The following HHAT variants were observed in gnomAD, a reference collection of about 807,000 sequenced individuals.
The protein encoded by HHAT is hedgehog acyltransferase, also known as protein-cysteine N-palmitoyltransferase HHAT.
In HHAT, 47 loss-of-function variants were observed where a neutral mutation model predicts 70.8. That is an observed-to-expected ratio of 0.66 (90% CI 0.53 to 0.85). The LOEUF (loss-of-function observed/expected upper bound fraction) is 0.85, where lower values mean the gene tolerates loss of function less well. HHAT is among the 40% of genes least tolerant of loss of function. The pLI, the probability that HHAT is intolerant of heterozygous loss-of-function variation, is 0.00. For synonymous variants in HHAT, 228 were observed against 247.6 expected, an observed-to-expected ratio of 0.92 and a Z score of 0.74; for missense variants, 609 against 604.8, an observed-to-expected ratio of 1.01 and a Z score of -0.07.
chr1:210,593,033 C>T (rs1315944708), intron 10 of HHAT, among the ~76,000 whole-genome samples: 3 of 152,116 alleles, frequency 2.0e-5, no homozygotes, highest in East Asian at 3.9e-4. Context: ...TCCCCGCTTC[C>T]CCCACCCCAC....
At chr1:210,581,463 C>T (rs1393551019) in intron 9 of HHAT, among the ~76,000 whole-genome samples, 1 of 152,196 alleles carries the variant, frequency 6.6e-6, no homozygotes, top group Non-Finnish European at 1.5e-5. Flanking sequence ...GAAACCTGAG[C>T]AGGGGCTGGT....
chr1:210,587,195 G>A (rs1215602776), intron 9 of HHAT, among the ~76,000 whole-genome samples: 1 of 152,206 alleles, frequency 6.6e-6, no homozygotes, highest in Non-Finnish European at 1.5e-5. Flanking sequence ...AAATACCCAA[G>A]ATTGGGTAAT....
intron 10 of HHAT, among the ~76,000 whole-genome samples, chr1:210,610,885 G>A (rs1173590788): frequency 6.6e-6 from 1 of 152,150 alleles, no homozygotes. Context: ...GTCTGTTCTT[G>A]TACCAGACAC....
intron 3 of HHAT, among the ~76,000 whole-genome samples, chr1:210,380,656 T>C (rs973347967): frequency 6.6e-6 from 1 of 152,180 alleles, no homozygotes; most frequent in Non-Finnish European, 1.5e-5. Flanking sequence ...GAGTCCAGGC[T>C]GAATGGATGG....
At chr1:210,549,681 C>T (rs1398889313) in intron 9 of HHAT, among the ~76,000 whole-genome samples, 2 of 146,686 alleles carry the variant, frequency 1.4e-5, no homozygotes, top group Non-Finnish European at 3.0e-5. Context: ...CTCTGTTTAC[C>T]ATATGGCATT....
At chr1:210,361,096 CT>C (rs1368019233) in intron 2 of HHAT, among the ~76,000 whole-genome samples, 2 of 152,198 alleles carry the variant, frequency 1.3e-5, no homozygotes, top group East Asian at 3.9e-4. Flanking sequence ...TAAGTTTTTG[CT>C]TTGTTTTAAT....
At chr1:210,538,263 A>G (rs2148653781) in intron 9 of HHAT, among the ~76,000 whole-genome samples, 1 of 152,308 alleles carries the variant, frequency 6.6e-6, no homozygotes, top group East Asian at 1.9e-4. Context: ...ATTTTACTTC[A>G]TCTAAGGATT....
chr1:210,501,924 A>T (rs1330304114), intron 8 of HHAT, among the ~76,000 whole-genome samples: 3 of 151,488 alleles, frequency 2.0e-5, no homozygotes, highest in Non-Finnish European at 4.4e-5. Flanking sequence ...ATCTTATTGG[A>T]TGCCTTAATT....
intron 10 of HHAT, among the ~76,000 whole-genome samples, chr1:210,598,300 G>T (rs932171042): frequency 1.3e-5 from 2 of 151,886 alleles, no homozygotes; most frequent in African/African-American, 2.4e-5. Flanking sequence ...TGGGGTTGGG[G>T]GACGGGTGAT....
At chr1:210,605,012 T>TCAACAACAACAA (rs66718127) in intron 10 of HHAT, among the ~76,000 whole-genome samples, 2,622 of 150,720 alleles carry the variant, frequency 0.017, 33 homozygotes, top group African/African-American at 0.031. Context: ...TGGGCAAGAC[T>TCAACAACAACAA]CAACAACAAC....
intron 8 of HHAT, among the ~76,000 whole-genome samples, chr1:210,481,113 A>G (rs1011826407): frequency 3.3e-5 from 5 of 151,690 alleles, no homozygotes; most frequent in African/African-American, 1.2e-4. Flanking sequence ...CTATGGCAAA[A>G]ATAGAGCAGG....
At chr1:210,633,244 AG>A (rs1671224041) in intron 11 of HHAT, among the ~76,000 whole-genome samples, 1 of 152,208 alleles carries the variant, frequency 6.6e-6, no homozygotes, top group Non-Finnish European at 1.5e-5. Flanking sequence ...CAGCAGCTGG[AG>A]GGCCAGAAAC....
intron 9 of HHAT, among the ~76,000 whole-genome samples, chr1:210,571,857 C>T (rs568037447): frequency 1.3e-5 from 2 of 152,334 alleles, no homozygotes; most frequent in South Asian, 2.1e-4. Flanking sequence ...TTGTGTGACA[C>T]ACGTTTAATG....
chr1:210,521,938 A>G (rs953546848), intron 9 of HHAT, among the ~76,000 whole-genome samples: 3 of 152,212 alleles, frequency 2.0e-5, no homozygotes, highest in African/African-American at 7.2e-5. Flanking sequence ...ACCAGCTAAA[A>G]CACATGCATG....
At chr1:210,648,385 C>T (rs548799998) in intron 11 of HHAT, among the ~76,000 whole-genome samples, 13 of 152,292 alleles carry the variant, frequency 8.5e-5, no homozygotes, top group South Asian at 2.1e-4. Flanking sequence ...AGTCAGCATA[C>T]GTTCAGCTGA....
At chr1:210,438,010 T>G (rs1052771215) in intron 7 of HHAT, among the ~76,000 whole-genome samples, 1 of 151,856 alleles carries the variant, frequency 6.6e-6, no homozygotes, top group African/African-American at 2.4e-5. Flanking sequence ...CATCATATCT[T>G]GGGCAGTCAT....
intron 8 of HHAT, among the ~76,000 whole-genome samples, chr1:210,502,308 C>T (rs923320677): frequency 9.5e-5 from 13 of 137,086 alleles, no homozygotes; most frequent in African/African-American, 1.6e-4. Flanking sequence ...GGCATGAACC[C>T]GGGAGGCAGA....
intron 9 of HHAT, among the ~76,000 whole-genome samples, chr1:210,521,593 C>T (rs2095158933): frequency 6.6e-6 from 1 of 152,068 alleles, no homozygotes; most frequent in South Asian, 2.1e-4. Context: ...TGTAACATTC[C>T]TGGTATTGAT....
intron 11 of HHAT, among the ~76,000 whole-genome samples, chr1:210,644,915 T>G (rs1263620307): frequency 6.6e-6 from 1 of 152,204 alleles, no homozygotes; most frequent in African/African-American, 2.4e-5. Context: ...TGGTAAGGGC[T>G]CTCCTTGTAA....
Sources: gnomAD v4.1 joint callset for allele counts (sites outside exome capture counted in the v4.1 genomes callset) on GRCh38, gnomAD v4.1.1 for gene constraint, MANE v1.5 for transcripts, NCBI Gene and HGNC (gene_info 2026-07-23, HGNC 2026-07-21) for gene names.